PTPRQ: variants seen among roughly 807,000 people sequenced by gnomAD.
The protein encoded by PTPRQ is phosphatidylinositol phosphatase PTPRQ.
In PTPRQ, 199 loss-of-function variants were observed where a neutral mutation model predicts 246.0. That is an observed-to-expected ratio of 0.81 (90% CI 0.72 to 0.91). The LOEUF is 0.91. PTPRQ is among the 40% of genes least tolerant of loss of function. PTPRQ has a pLI of 0.00. For synonymous variants in PTPRQ, 869 were observed against 853.2 expected (o/e 1.02, Z -0.32); for missense variants, 2,624 against 2,528.4 (o/e 1.04, Z -0.81).
intron 39 of PTPRQ, among the ~76,000 whole-genome samples, chr12:80,666,593 A>C (rs1163624851): frequency 6.6e-6 from 1 of 151,996 alleles, no homozygotes; most frequent in Non-Finnish European, 1.5e-5. Context: ...ATAAATGTTT[A>C]AGGAGATGGA....
intron 43 of PTPRQ, among the ~76,000 whole-genome samples, chr12:80,674,487 A>G (rs1901072217): frequency 1.3e-5 from 2 of 152,136 alleles, no homozygotes; most frequent in Non-Finnish European, 2.9e-5. Flanking sequence ...CATGTCATGG[A>G]ACATTAATCC....
intron 33 of PTPRQ, among the ~76,000 whole-genome samples, chr12:80,625,650 G>A (rs544543923): frequency 1.3e-5 from 2 of 152,154 alleles, no homozygotes; most frequent in African/African-American, 2.4e-5. Context: ...TGGCCAGGTA[G>A]AACTTCACTG....
chr12:80,529,845 G>C (rs1227328442), intron 17 of PTPRQ, among the ~76,000 whole-genome samples: 4 of 151,860 alleles, frequency 2.6e-5, no homozygotes, highest in Non-Finnish European at 5.9e-5. Context: ...ATTAGAAAAA[G>C]CTTCGAAACC....
rs1281600063 is a variant in PTPRQ, at chr12:80,669,413, A to C, written c.6402A>C (p.Leu2134=). The C allele has an allele frequency of 6.5e-7, 1 of 1,549,830 alleles. No homozygotes were observed. Among genetic ancestry groups the C allele is most frequent in the South Asian group, 1.2e-5 (1 of 83,890 alleles). The stretch of plus-strand genomic sequence containing the variant: ...TTGGAGATATAGTGATTACAAAGCT[A>C]ATGGAGGATGTTCAAATAGATTGGA... ...TVFGDIVITK[L]MEDVQIDWTI... Residue 2134 remains leucine (L), a synonymous_variant, in exon 41 of 45, where the codon CTA becomes CTC. Coordinates refer to ENST00000644991, the MANE Select transcript of PTPRQ (RefSeq NM_001145026.2).
intron 17 of PTPRQ, among the ~76,000 whole-genome samples, chr12:80,530,914 T>C (rs1274853236): frequency 3.3e-5 from 5 of 152,116 alleles, no homozygotes; most frequent in Non-Finnish European, 4.4e-5. Context: ...TATCCTGGTG[T>C]AGGGTTGCAT....
chr12:80,670,415 C>A lies in PTPRQ; in HGVS notation c.6525C>A (p.Ser2175Arg). 6.4e-7 allele frequency: 1 copy of A among 1,551,152 alleles called. No individual in the cohort carries two copies. Among genetic ancestry groups the A allele is most frequent in the Non-Finnish European group, 8.7e-7 (1 of 1,146,598 alleles). ...CAGAGCATGGGGTTCCTGAGAACAG[C>A]GCCCCTCTAATTCACTTTGTGAAGT... ...AWPEHGVPEN[S>R]APLIHFVKLV... The change falls in exon 42 of 45, where the codon AGC becomes AGA. Residue 2175 changes from serine to arginine, a missense_variant. Transcript: ENST00000644991.
intron 23 of PTPRQ, 75 bp from the exon 24 acceptor site, chr12:80,546,481 C>T: frequency 1.5e-6 from 2 of 1,365,872 alleles, no homozygotes; most frequent in Non-Finnish European, 2.0e-6. Context: ...AAAGGAATAA[C>T]TTCAATGAAA....
intron 19 of PTPRQ, among the ~76,000 whole-genome samples, chr12:80,535,406 A>G (rs185890701): frequency 6.6e-6 from 1 of 151,854 alleles, no homozygotes; most frequent in Admixed American, 6.6e-5. Context: ...TATTAGCTAA[A>G]TTTTTTTTCA....
chr12:80,580,317 C>T (rs1219785797), intron 25 of PTPRQ, among the ~76,000 whole-genome samples: 1 of 152,076 alleles, frequency 6.6e-6, no homozygotes, highest in African/African-American at 2.4e-5. Context: ...TAATGTTGAT[C>T]GCTTCATCAC....
chr12:80,496,472 C>T lies in PTPRQ; in HGVS notation c.2213C>T (p.Thr738Ile), dbSNP rs1894626938. Reference protein sequence around the residue: ...TLYNISVRSYTRFGHGNQVSS... With the variant: ...TLYNISVRSYIRFGHGNQVSS... ...TATAACATTTCTGTAAGGTCTTACA[C>T]CAGATTTGGTCATGGCAATCAGGTA... is the stretch of plus-strand genomic sequence containing the variant. Residue 738 changes from threonine (T) to isoleucine (I), a missense_variant, in exon 14 of 45, where the codon ACC becomes ATC. Coordinates refer to ENST00000644991, the MANE Select transcript of PTPRQ (RefSeq NM_001145026.2). 5 of 1,550,418 alleles carry T rather than the reference C, an allele frequency of 3.2e-6. No individual in the cohort carries two copies. The South Asian group carries it at 6.0e-5, about 18-fold the overall frequency.
chr12:80,557,686 G>A (rs1442238553), intron 25 of PTPRQ, among the ~76,000 whole-genome samples: 7 of 152,160 alleles, frequency 4.6e-5, no homozygotes. Context: ...ATGTAGTTAT[G>A]AGACATAATA....
chr12:80,457,494 G>T (rs1168897024), intron 3 of PTPRQ, 81 bp from the exon 4 acceptor site: 1 of 399,272 alleles, frequency 2.5e-6, no homozygotes, highest in Non-Finnish European at 4.4e-6. Context: ...TTATGGATAA[G>T]TCAAAGTTTT....
intron 6 of PTPRQ, chr12:80,465,546 C>A (rs1326281093): frequency 3.3e-5 from 5 of 152,188 alleles, no homozygotes; most frequent in Non-Finnish European, 7.3e-5. Context: ...GGTAGAGACA[C>A]AACCAAAAAA....
In PTPRQ at chr12:80,678,648, A is replaced by G. The variant is rs1234323733; in HGVS notation, c.6785A>G (p.Asn2262Ser). 6.4e-7 allele frequency: 1 copy of G among 1,550,600 alleles called. No individual in the cohort carries two copies. Among genetic ancestry groups the G allele is most frequent in the Non-Finnish European group, 8.7e-7 (1 of 1,146,276 alleles). ...CAGTGCATTCTGGATCTCTTATCAA[A>G]TAAGGGAAGTAATCAGCCCATCTGT... ...LHQCILDLLSNKGSNQPICFV... is the reference protein window; with the variant it reads ...LHQCILDLLSSKGSNQPICFV... The change falls in exon 44 of 45, where the codon AAT becomes AGT. Residue 2262 changes from asparagine to serine, a missense_variant. Asn to Ser is a conservative substitution (Grantham distance 46). Coordinates refer to ENST00000644991, the MANE Select transcript of PTPRQ (RefSeq NM_001145026.2).
chr12:80,542,299 C>T lies in PTPRQ; in HGVS notation c.3656C>T (p.Ala1219Val), dbSNP rs749602462. The T allele has an allele frequency of 5.8e-6, 9 of 1,549,550 alleles. No homozygotes were observed. The highest frequency in any genetic ancestry group is 4.8e-5 in the South Asian group (4 of 83,530). Residue 1219 changes from alanine to valine, a missense_variant, in exon 22 of 45, where the codon GCT becomes GTT. Coordinates refer to ENST00000644991, the MANE Select transcript of PTPRQ (RefSeq NM_001145026.2). ...CCATTTACATTATATAGCTTTTTTGCTGCCGCAAGAACTAGAAAAGGACTT... is the reference window on the plus strand; with the variant it reads ...CCATTTACATTATATAGCTTTTTTGTTGCCGCAAGAACTAGAAAAGGACTT... ...LSPFTLYSFF[A>V]AARTRKGLGP...
chr12:80,493,802 G>T (rs1894525576), intron 10 of PTPRQ, among the ~76,000 whole-genome samples: 1 of 151,948 alleles, frequency 6.6e-6, no homozygotes, highest in African/African-American at 2.4e-5. Flanking sequence ...TACAGCTTTT[G>T]ACTAATAGGT....
intron 25 of PTPRQ, among the ~76,000 whole-genome samples, chr12:80,585,272 G>C (rs564265797): frequency 6.6e-6 from 1 of 152,060 alleles, no homozygotes; most frequent in African/African-American, 2.4e-5. Context: ...ATAAACCTTA[G>C]GGCATTTTTT....
At chr12:80,607,559 T>A (rs1323968696) in intron 27 of PTPRQ, among the ~76,000 whole-genome samples, 1 of 150,092 alleles carries the variant, frequency 6.7e-6, no homozygotes, top group Non-Finnish European at 1.5e-5. Flanking sequence ...AGGTGCTGGA[T>A]ATGTAGAAGT....
intron 14 of PTPRQ, among the ~76,000 whole-genome samples, chr12:80,499,863 A>G (rs1406319665): frequency 1.3e-5 from 2 of 151,822 alleles, no homozygotes; most frequent in Admixed American, 6.6e-5. Context: ...TTATTTTCTC[A>G]TACTTAGGGT....
Sources: gnomAD v4.1 joint callset for allele counts (sites outside exome capture counted in the v4.1 genomes callset) on GRCh38, gnomAD v4.1.1 for gene constraint, MANE v1.5 for transcripts, NCBI Gene and HGNC (gene_info 2026-07-23, HGNC 2026-07-21) for gene names.